Variants in RBM47 observed in about 807,000 individuals in gnomAD.
The protein encoded by RBM47 is RNA-binding protein 47.
A neutral mutation model predicts 47.1 loss-of-function variants in RBM47; 21 were observed. The observed-to-expected ratio is 0.45, with a 90% CI of 0.32 to 0.64. The LOEUF (loss-of-function observed/expected upper bound fraction) is 0.64, where lower values mean the gene tolerates loss of function less well. Among genes scored for constraint, RBM47 ranks in the 30% least tolerant of loss-of-function variants. The pLI, the probability that RBM47 is intolerant of heterozygous loss-of-function variation, is 0.05. For synonymous variants in RBM47, 375 were observed against 361.7 expected, an observed-to-expected ratio of 1.04 and a Z score of -0.42; for missense variants, 708 against 870.9, an observed-to-expected ratio of 0.81 and a Z score of 2.35.
Position 40,510,730 on chromosome 4 carries a change from A to G in RBM47, c.-155+33692T>C, listed in dbSNP as rs1031073469. Among the ~76,000 whole-genome samples the G allele has an allele frequency of 3.9e-5, 6 of 152,184 alleles. No homozygotes were observed. The East Asian group carries it at 1.2e-3, about 29-fold the overall frequency. Reference sequence around the variant, plus strand: ...AGGAGAAAAGAAAGAGTCGTGATTTATTATGCACTGAGGAACCAGAAATGT... The same window carrying G: ...AGGAGAAAAGAAAGAGTCGTGATTTGTTATGCACTGAGGAACCAGAAATGT... On this transcript the variant is annotated intron_variant, in intron 2 of 6. Coordinates refer to ENST00000295971, the MANE Select transcript of RBM47 (RefSeq NM_001098634.2).
At chr4:40,427,569 T>C (rs1000339380) in intron 6 of RBM47, 6 of 152,194 alleles carry the variant, frequency 3.9e-5, no homozygotes, top group African/African-American at 1.4e-4. Context: ...AAATAAAACA[T>C]TCATTTAACA....
intron 1 of RBM47, among the ~76,000 whole-genome samples, chr4:40,585,919 G>A (rs1456963050): frequency 6.6e-6 from 1 of 152,230 alleles, no homozygotes; most frequent in Non-Finnish European, 1.5e-5. Context: ...TGGGCATTCT[G>A]TGGAAGTCTG....
At chr4:40,600,372 A>AC (rs1161225560) in intron 1 of RBM47, among the ~76,000 whole-genome samples, 1 of 149,760 alleles carries the variant, frequency 6.7e-6, no homozygotes, top group African/African-American at 2.5e-5. Flanking sequence ...CGGTGGCTCA[A>AC]GCCTGTAATC....
Position 40,437,206 on chromosome 4 carries a change from TA to T in RBM47, c.1124-560del, listed in dbSNP as rs987476228. ...ATATATACTATTAAATAATTTTTTTTAAAGTTAGCTTTGGAAGGGGATTTGC... is the reference window on the plus strand; with the variant it reads ...ATATATACTATTAAATAATTTTTTTTAAGTTAGCTTTGGAAGGGGATTTGC... On this transcript the variant is annotated intron_variant, in intron 4 of 6. Transcript: ENST00000295971. 2.4e-5 allele frequency among the ~76,000 whole-genome samples: 3 copies of T among 126,272 alleles called. 1 individual carries two copies. Among genetic ancestry groups the T allele is most frequent in the African/African-American group, 5.6e-5 (2 of 35,880 alleles). The allele number at this position is 126,272 out of a possible 152,430, so 82.8% of individuals were successfully genotyped here. A position where few individuals can be genotyped will look rare whatever the true frequency, so the allele number is the denominator to read the frequency against.
intron 2 of RBM47, among the ~76,000 whole-genome samples, chr4:40,502,986 C>CA (rs35856007): frequency 0.43 from 37,534 of 86,582 alleles, 6,661 homozygotes; most frequent in Non-Finnish European, 0.51. Context: ...CCTGTCTGTA[C>CA]AAAAAAAAAA....
At chr4:40,539,739 C>CAAAAAAAAAAAAAA (rs56005602) in intron 2 of RBM47, among the ~76,000 whole-genome samples, 3 of 56,330 alleles carry the variant, frequency 5.3e-5, no homozygotes, top group African/African-American at 2.1e-4. Context: ...GACTCTGTCT[C>CAAAAAAAAAAAAAA]AAAAAAAAAA....
intron 1 of RBM47, among the ~76,000 whole-genome samples, chr4:40,593,081 G>A (rs1202881539): frequency 3.1e-5 from 4 of 130,362 alleles, no homozygotes; most frequent in Non-Finnish European, 4.7e-5. Context: ...CTGCAAGTCC[G>A]CCTCCCAGGT....
chr4:40,457,249 A>G (rs1716414841), intron 3 of RBM47, among the ~76,000 whole-genome samples: 2 of 150,784 alleles, frequency 1.3e-5, no homozygotes, highest in Admixed American at 1.3e-4. Flanking sequence ...GTGAAATCCC[A>G]TCTCTACTAA....
In RBM47 at chr4:40,438,528, G is replaced by A. The variant is rs200361040; in HGVS notation, c.366C>T (p.His122=). ...GYAFVMYCHK[H]EAKRAVRELN... ...GCTCACGCACTGCGCGCTTGGCCTC[G>A]TGCTTGTGGCAGTACATGACGAAGG... The change falls in exon 4 of 7, where the codon CAC becomes CAT. Residue 122 remains histidine, a synonymous_variant. Transcript: ENST00000295971. 195 of 1,613,834 alleles carry A rather than the reference G, an allele frequency of 1.2e-4. No individual in the cohort carries two copies. The East Asian group carries it at 3.9e-3, about 33-fold the overall frequency.
intron 2 of RBM47, among the ~76,000 whole-genome samples, chr4:40,477,258 T>A (rs1037317104): frequency 1.3e-5 from 2 of 152,198 alleles, no homozygotes; most frequent in Non-Finnish European, 2.9e-5. Context: ...ATATATTTTT[T>A]AAAAAGACAG....
chr4:40,464,890 C>CGAAAAAA (rs1553884152), intron 3 of RBM47, among the ~76,000 whole-genome samples: 1 of 32,082 alleles, frequency 3.1e-5, no homozygotes, highest in Non-Finnish European at 5.1e-5. Flanking sequence ...GACTCTGTCT[C>CGAAAAAA]AAAAAAAAAA....
At chr4:40,630,240 G>A (rs1419903471), upstream of RBM47, 2 of 152,358 alleles carry the variant, frequency 1.3e-5, no homozygotes, top group East Asian at 1.9e-4. Flanking sequence ...CCACCTGGGG[G>A]CATCTGTCCG....
chr4:40,581,438 A>AAATT (rs556188778), intron 1 of RBM47, among the ~76,000 whole-genome samples: 4,793 of 146,866 alleles, frequency 0.033, 272 homozygotes, highest in African/African-American at 0.11. Context: ...AAGTAATAAT[A>AAATT]AATAAATAAA....
At chr4:40,569,445 T>C (rs1731466406) in intron 1 of RBM47, among the ~76,000 whole-genome samples, 1 of 150,904 alleles carries the variant, frequency 6.6e-6, no homozygotes, top group East Asian at 1.9e-4. Flanking sequence ...AGTCTGGCTC[T>C]GTCGCCCAGG....
Position 40,425,662 on chromosome 4 carries a change from T to C in RBM47, c.*242A>G, listed in dbSNP as rs1577579870. The C allele has an allele frequency of 2.1e-6, 1 of 471,050 alleles. No homozygotes were observed. Among genetic ancestry groups the C allele is most frequent in the Non-Finnish European group, 3.7e-6 (1 of 271,512 alleles). The allele number at this position is 471,050 out of a possible 1,614,324, so 29.2% of individuals were successfully genotyped here. On this transcript the variant is annotated 3_prime_UTR_variant, in exon 7 of 7. Coordinates refer to ENST00000295971, the MANE Select transcript of RBM47 (RefSeq NM_001098634.2). ...GTACAGCATACAAATTTTTAAAAGA[T>C]GGAATGAAGGCACGAACCATTGCAA...
intron 3 of RBM47, among the ~76,000 whole-genome samples, chr4:40,462,190 A>G (rs1017754595): frequency 1.3e-5 from 2 of 152,142 alleles, no homozygotes; most frequent in African/African-American, 4.8e-5. Context: ...ACTTTTCAAT[A>G]TTCTCCAAGG....
chr4:40,620,699 T>TA (rs1737185055), intron 1 of RBM47, among the ~76,000 whole-genome samples: 2 of 152,296 alleles, frequency 1.3e-5, no homozygotes, highest in South Asian at 4.1e-4. Flanking sequence ...TTCTTTTCTT[T>TA]AAAAAATTTT....
intron 2 of RBM47, among the ~76,000 whole-genome samples, chr4:40,538,556 A>C (rs547907645): frequency 6.6e-6 from 1 of 152,000 alleles, no homozygotes; most frequent in South Asian, 2.1e-4. Context: ...CGATCTTTTG[A>C]CCTTGTGATC....
intron 1 of RBM47, among the ~76,000 whole-genome samples, chr4:40,553,589 G>A (rs934713443): frequency 3.9e-5 from 6 of 152,030 alleles, no homozygotes; most frequent in East Asian, 1.9e-4. Flanking sequence ...GAGCCACTAC[G>A]CCCAGCCAAT....
Sources: allele counts gnomAD v4.1 joint callset (sites outside exome capture counted in the v4.1 genomes callset), GRCh38; gene constraint gnomAD v4.1.1; transcripts MANE v1.5; gene names NCBI Gene and HGNC (gene_info 2026-07-23, HGNC 2026-07-21).